The following PDE10A variants were observed in gnomAD, a reference collection of about 807,000 sequenced individuals.
The protein encoded by PDE10A is cAMP and cAMP-inhibited cGMP 3',5'-cyclic phosphodiesterase 10A.
In PDE10A, 39 loss-of-function variants were observed where a neutral mutation model predicts 97.7. That is an observed-to-expected ratio of 0.40 (90% CI 0.31 to 0.52). The LOEUF (loss-of-function observed/expected upper bound fraction) is 0.52. Ranked by LOEUF, PDE10A falls within the 20% of genes least tolerant of loss-of-function variation. PDE10A has a pLI of 0.56. For synonymous variants in PDE10A, 371 were observed against 376.8 expected, an observed-to-expected ratio of 0.98 and a Z score of 0.18; for missense variants, 731 against 1,047.8, an observed-to-expected ratio of 0.70 and a Z score of 4.17.
chr6:165,511,126 A>C (rs551853879), intron 2 of PDE10A, among the ~76,000 whole-genome samples: 5 of 151,610 alleles, frequency 3.3e-5, no homozygotes, highest in African/African-American at 9.7e-5. Context: ...TAGATTGTTT[A>C]TTTGAACTCC....
At chr6:165,400,908 C>T (rs1224908037) in intron 13 of PDE10A, among the ~76,000 whole-genome samples, 1 of 152,148 alleles carries the variant, frequency 6.6e-6, no homozygotes, top group Non-Finnish European at 1.5e-5. Flanking sequence ...ACGTACACAA[C>T]ACCAGCAATG....
chr6:165,837,651 C>G (rs942060531), intron 1 of PDE10A, among the ~76,000 whole-genome samples: 2 of 144,242 alleles, frequency 1.4e-5, no homozygotes, highest in Admixed American at 7.0e-5. Flanking sequence ...TGATTTATAT[C>G]TCTCCTGGTT....
intron 1 of PDE10A, among the ~76,000 whole-genome samples, chr6:165,647,820 G>C (rs904407424): frequency 1.3e-5 from 2 of 152,130 alleles, no homozygotes; most frequent in Non-Finnish European, 2.9e-5. Context: ...CAATGGCTAC[G>C]TGTCTCAGCA....
intron 2 of PDE10A, among the ~76,000 whole-genome samples, chr6:165,488,356 C>T (rs543527739): frequency 1.1e-4 from 17 of 152,166 alleles, no homozygotes; most frequent in Admixed American, 5.2e-4. Context: ...AAAATAAATG[C>T]GCTAAGGGGA....
Position 165,450,271 on chromosome 6 carries a change from A to T in PDE10A, c.1115T>A (p.Leu372His). 6.2e-7 allele frequency: 1 copy of T among 1,607,060 alleles called. No individual in the cohort carries two copies. The highest frequency in any genetic ancestry group is 8.5e-7 in the Non-Finnish European group (1 of 1,175,630). The stretch of plus-strand genomic sequence containing the variant: ...TTTAATGATGCTGCTCAGTTCATAG[A>T]GGAGTAGCTGGTTGTCTCCTCCTGT... Reference protein sequence around the residue: ...LDTGGDNQLLLYELSSIIKIA... With the variant: ...LDTGGDNQLLHYELSSIIKIA... The change falls in exon 4 of 22, where the codon CTC becomes CAC. Residue 372 changes from leucine (L) to histidine (H), a missense_variant. Coordinates refer to ENST00000539869, the MANE Select transcript of PDE10A (RefSeq NM_001385079.1).
At chr6:165,411,628 T>C (rs1787845022) in intron 13 of PDE10A, among the ~76,000 whole-genome samples, 1 of 152,226 alleles carries the variant, frequency 6.6e-6, no homozygotes, top group Non-Finnish European at 1.5e-5. Context: ...ACAGTACCAA[T>C]GTTAATTTCT....
intron 1 of PDE10A, among the ~76,000 whole-genome samples, chr6:165,730,438 G>A (rs1792401333): frequency 6.6e-6 from 1 of 152,100 alleles, no homozygotes; most frequent in Non-Finnish European, 1.5e-5. Flanking sequence ...ATACACAAAT[G>A]CAAGCATATG....
At chr6:165,807,731 T>C (rs1337197352) in intron 1 of PDE10A, among the ~76,000 whole-genome samples, 2 of 152,060 alleles carry the variant, frequency 1.3e-5, no homozygotes, top group African/African-American at 4.8e-5. Flanking sequence ...CCAAAGAAAT[T>C]GGCTTGCCGG....
rs188740261 is a variant in PDE10A, at chr6:165,756,877, T to C, written c.-614-213309A>G. 3.6e-3 allele frequency among the ~76,000 whole-genome samples: 550 copies of C among 152,308 alleles called. 3 individuals carry two copies. The highest frequency in any genetic ancestry group is 0.013 in the African/African-American group (533 of 41,572). ...TCTCAGTGAGGGAGAACGAGTATAT[T>C]TCATATGTTTCAGGATCACTATTAT... On this transcript the variant is annotated intron_variant, in intron 1 of 19. Coordinates refer to the PDE10A transcript ENST00000366882.
At chr6:165,878,360 C>T (rs60065255) in intron 1 of PDE10A, among the ~76,000 whole-genome samples, 19,592 of 152,148 alleles carry the variant, frequency 0.13, 1,550 homozygotes, top group East Asian at 0.36. Flanking sequence ...TGCCAGAAAA[C>T]GAACTATCAT....
chr6:165,652,591 C>A (rs1001458458), intron 1 of PDE10A, among the ~76,000 whole-genome samples: 27 of 152,172 alleles, frequency 1.8e-4, no homozygotes, highest in African/African-American at 6.3e-4. Flanking sequence ...AACTTGAATT[C>A]TATATTACCA....
chr6:165,416,127 T>A, intron 12 of PDE10A, 62 bp downstream of exon 12: 2 of 1,085,986 alleles, frequency 1.8e-6, no homozygotes, highest in Non-Finnish European at 2.9e-6. Flanking sequence ...ACGGAAGAGG[T>A]TTCAGCTGAG....
intron 1 of PDE10A, among the ~76,000 whole-genome samples, chr6:165,570,062 G>A (rs112717431): frequency 3.9e-5 from 6 of 152,102 alleles, no homozygotes; most frequent in African/African-American, 1.2e-4. Context: ...CTAACCCCCA[G>A]TACCTCAGAA....
chr6:165,491,616 A>G (rs998718480), intron 2 of PDE10A, among the ~76,000 whole-genome samples: 1 of 152,144 alleles, frequency 6.6e-6, no homozygotes, highest in African/African-American at 2.4e-5. Context: ...ACAAATACAG[A>G]GAAGTTAAAT....
In PDE10A at chr6:165,435,302, CCT is replaced by C; in HGVS notation, c.1268_1269del (p.Gln423ArgfsTer24). On this transcript the variant is annotated frameshift_variant, in exon 6 of 22. Coordinates refer to ENST00000539869, the MANE Select transcript of PDE10A (RefSeq NM_001385079.1). LOFTEE classifies it high-confidence loss of function. ...PRLIPAGPIT[Q>X]GTTVSAYVAK... The stretch of plus-strand genomic sequence containing the variant: ...GCCACATAAGCAGAGACGGTGGTGC[CCT>C]GAGTGATGGGCCCAGCAGGGATGAG... 6.2e-7 allele frequency: 1 copy of C among 1,614,068 alleles called. No homozygotes were observed. The highest frequency in any genetic ancestry group is 8.5e-7 in the Non-Finnish European group (1 of 1,179,972).
intron 1 of PDE10A, among the ~76,000 whole-genome samples, chr6:165,570,046 G>A (rs1159575244): frequency 6.6e-6 from 1 of 152,088 alleles, no homozygotes; most frequent in Non-Finnish European, 1.5e-5. Context: ...TTCATGTGTT[G>A]AAGTCCTAAC....
rs554566279 is a variant in PDE10A, at chr6:165,629,602, C to T, written c.865+32345G>A. 1.0e-3 allele frequency among the ~76,000 whole-genome samples: 156 copies of T among 149,496 alleles called. 1 individual carries two copies. The highest frequency in any genetic ancestry group is 5.5e-3 in the South Asian group (26 of 4,734). On this transcript the variant is annotated intron_variant, in intron 1 of 21. Transcript: ENST00000539869. ...GTGCAGGAGTGCGATGGTGCCGTCT[C>T]GGCTCACTGAAACCTCCACCTGCCA...
intron 5 of PDE10A, among the ~76,000 whole-genome samples, chr6:165,436,710 C>T (rs1477293423): frequency 1.3e-5 from 2 of 151,992 alleles, no homozygotes; most frequent in Non-Finnish European, 2.9e-5. Context: ...TAAAAAATTA[C>T]ATATATGATG....
chr6:165,747,241 T>C (rs1158705252), intron 1 of PDE10A, among the ~76,000 whole-genome samples: 3 of 152,210 alleles, frequency 2.0e-5, no homozygotes, highest in Non-Finnish European at 4.4e-5. Context: ...ATTAAATCAA[T>C]CTCAAAAATT....
Sources: gnomAD v4.1 joint callset for allele counts (sites outside exome capture counted in the v4.1 genomes callset) on GRCh38, gnomAD v4.1.1 for gene constraint, MANE v1.5 for transcripts, NCBI Gene and HGNC (gene_info 2026-07-23, HGNC 2026-07-21) for gene names.